The following EPPK1 variants were observed in gnomAD, a reference collection of about 807,000 sequenced individuals.
The protein encoded by EPPK1 is epiplakin.
For missense variants in EPPK1, 3,823 were observed against 3,673.3 expected (o/e 1.04, Z -1.05); for synonymous variants, 1,862 against 1,721.2 (o/e 1.08, Z -2.03).
Position 143,872,475 on chromosome 8 carries a change from C to G in EPPK1, c.779G>C (p.Gly260Ala), listed in dbSNP as rs1375710889. The G allele has an allele frequency of 1.0e-5, 16 of 1,592,452 alleles. No homozygotes were observed. The highest frequency in any genetic ancestry group is 1.2e-5 in the Non-Finnish European group (14 of 1,174,944). The change falls in exon 2 of 2, where the codon GGT becomes GCT. Residue 260 changes from glycine (G) to alanine (A), a missense_variant. Transcript: ENST00000615648. ...VGILDEQAVQ[G>A]LREGRLAAVD... ...TGCGGCCAGCCTGCCCTCCCGCAGACCCTGCACAGCCTGCTCGTCCAGGAT... is the reference window on the plus strand; with the variant it reads ...TGCGGCCAGCCTGCCCTCCCGCAGAGCCTGCACAGCCTGCTCGTCCAGGAT...
In EPPK1 at chr8:143,868,883, G is replaced by T. The variant is rs1169425432; in HGVS notation, c.4371C>A (p.Val1457=). The T allele has an allele frequency of 1.1e-5, 18 of 1,610,764 alleles. No individual in the cohort carries two copies. The highest frequency in any genetic ancestry group is 3.3e-4 in the Middle Eastern group (2 of 6,084). The change falls in exon 2 of 2, where the codon GTC becomes GTA. Residue 1457 remains valine (V), a synonymous_variant. Coordinates refer to ENST00000615648, the MANE Select transcript of EPPK1 (RefSeq NM_031308.4). ...AVALRAMKVP[V]STGRFKGCSV... is the part of the protein sequence containing the mutation. ...TACACCCCTTAAACCTCCCTGTGCT[G>T]ACGGGCACCTTCATGGCCCTCAGAG...
At position 143,869,308 on chromosome 8, in the gene EPPK1, G is replaced by A. The variant is rs940860228; in HGVS notation, c.3946C>T (p.Gln1316Ter). 6.2e-7 allele frequency: 1 copy of A among 1,604,634 alleles called. No individual in the cohort carries two copies. The highest frequency in any genetic ancestry group is 8.5e-7 in the Non-Finnish European group (1 of 1,175,208). The change falls in exon 2 of 2, where the codon CAG becomes TAG. Residue 1316 changes from glutamine (Q) to a stop codon, truncating the protein, a stop_gained. Coordinates refer to ENST00000615648, the MANE Select transcript of EPPK1 (RefSeq NM_031308.4). LOFTEE classifies it low-confidence loss of function (END_TRUNC). The part of the protein sequence containing the change: ...VGLVGRELSE[Q>*]LGQAERAAAG... ...GCCGCCCTCTCGGCCTGCCCGAGCT[G>A]CTCACTCAGCTCCCTGCCCACCAGG... is the stretch of plus-strand genomic sequence containing the variant.
chr8:143,870,581 C>G lies in EPPK1; in HGVS notation c.2673G>C (p.Gln891His). ...PALRSRVTVHQLLEAGIIDQQ... is the reference protein window; with the variant it reads ...PALRSRVTVHHLLEAGIIDQQ... ...GGTCAATGATACCGGCCTCCAGGAG[C>G]TGGTGGACGGTGACCCGGCTCCGCA... Residue 891 changes from glutamine to histidine, a missense_variant, in exon 2 of 2, where the codon CAG becomes CAC. Coordinates refer to ENST00000615648, the MANE Select transcript of EPPK1 (RefSeq NM_031308.4). This position sits in a 1 kb window ranked among gnomAD's most constrained non-coding sequence, Gnocchi z 5.2. The G allele has an allele frequency of 1.9e-6, 3 of 1,610,516 alleles. No individual in the cohort carries two copies. In the South Asian group the frequency reaches 3.3e-5, roughly 18 times the overall value.
At chr8:143,874,983 G>T (rs1390317095) in intron 1 of EPPK1, among the ~76,000 whole-genome samples, 2 of 152,126 alleles carry the variant, frequency 1.3e-5, no homozygotes, top group Non-Finnish European at 2.9e-5. Flanking sequence ...GGGCTATGGG[G>T]GCTCCCCTCT....
chr8:143,866,031 G>A lies in EPPK1; in HGVS notation c.7223C>T (p.Pro2408Leu), dbSNP rs1819095742. 14 of 168,746 alleles carry A rather than the reference G, an allele frequency of 8.3e-5. No homozygotes were observed. Among genetic ancestry groups the A allele is most frequent in the Admixed American group, 1.8e-4 (1 of 5,504 alleles). 10.5% of individuals were successfully genotyped at this position (168,746 alleles called of 1,614,324 possible). A position where few individuals can be genotyped will look rare whatever the true frequency, so the allele number is the denominator to read the frequency against. The change falls in exon 2 of 2, where the codon CCG (proline) becomes CTG (leucine). Residue 2408 changes from proline (P) to leucine (L), a missense_variant. Pro to Leu is a moderately conservative substitution (Grantham distance 98). Coordinates refer to ENST00000615648, the MANE Select transcript of EPPK1 (RefSeq NM_031308.4). Reference protein sequence around the residue: ...VQLLRRCVPDPDTGLYMLQLA... With the variant: ...VQLLRRCVPDLDTGLYMLQLA... The stretch of plus-strand genomic sequence containing the variant: ...CTGCAGCATGTAGAGCCCGGTGTCC[G>A]GGTCGGGCACGCAGCGGCGCAGCAG...
In EPPK1 at chr8:143,868,297, T is replaced by C. The variant is rs782371088; in HGVS notation, c.4957A>G (p.Thr1653Ala). The C allele has an allele frequency of 3.7e-6, 6 of 1,613,022 alleles. No individual in the cohort carries two copies. The African/African-American group carries it at 4.0e-5, about 11-fold the overall frequency. ...LSAERAVTGYTDPYTGQQISL... is the reference protein window; with the variant it reads ...LSAERAVTGYADPYTGQQISL... Reference sequence around the variant, plus strand: ...ATCTGCTGCCCGGTATAGGGGTCGGTGTAGCCGGTGACGGCGCGCTCGGCC... The same window carrying C: ...ATCTGCTGCCCGGTATAGGGGTCGGCGTAGCCGGTGACGGCGCGCTCGGCC... The change falls in exon 2 of 2, where the codon ACC becomes GCC. Residue 1653 changes from threonine (T) to alanine (A), a missense_variant. By Grantham distance (58) the Thr-to-Ala change is moderately conservative. Transcript: ENST00000615648.
chr8:143,872,316 C>T lies in EPPK1; in HGVS notation c.938G>A (p.Gly313Asp). ...GGCCTCTAGGAGTGGCAGCGCGGTG[C>T]CCATTGGGAGCAGGTGCTCGGTGGC... ...QAATEHLLPM[G>D]TALPLLEAQA... The change falls in exon 2 of 2, where the codon GGC becomes GAC. Residue 313 changes from glycine to aspartate, a missense_variant. Physicochemically the swap from Gly to Asp is moderately conservative, Grantham distance 94. Coordinates refer to ENST00000615648, the MANE Select transcript of EPPK1 (RefSeq NM_031308.4). The T allele has an allele frequency of 6.2e-7, 1 of 1,602,778 alleles. No homozygotes were observed. The highest frequency in any genetic ancestry group is 1.3e-5 in the African/African-American group (1 of 74,840).
Position 143,869,101 on chromosome 8 carries a change from G to A in EPPK1, c.4153C>T (p.Leu1385=). ...PQAAACRLGL[L]DTQTSQVLTA... The stretch of plus-strand genomic sequence containing the variant: ...AGCACCTGGCTCGTCTGTGTGTCCA[G>A]AAGGCCGAGTCTGCAGGCTGCCGCC... Residue 1385 remains leucine (L), a synonymous_variant, in exon 2 of 2, where the codon CTG becomes TTG. Coordinates refer to ENST00000615648, the MANE Select transcript of EPPK1 (RefSeq NM_031308.4). 6.2e-7 allele frequency: 1 copy of A among 1,606,810 alleles called. No individual in the cohort carries two copies.
chr8:143,870,510 G>A lies in EPPK1; in HGVS notation c.2744C>T (p.Ala915Val). Residue 915 changes from alanine (A) to valine (V), a missense_variant, in exon 2 of 2, where the codon GCC (alanine) becomes GTC (valine). By Grantham distance (64) the Ala-to-Val change is moderately conservative. Coordinates refer to ENST00000615648, the MANE Select transcript of EPPK1 (RefSeq NM_031308.4). The surrounding 1 kb of genome is among the most constrained non-coding windows in gnomAD (Gnocchi z 5.2). ...GCGGACGCCGTCCATGAGTAGGAGG[G>A]CCTCCGGGCTGATTGTCCCGGCCAG... ...QVLAGTISPEALLLMDGVRRY... is the reference protein window; with the variant it reads ...QVLAGTISPEVLLLMDGVRRY... The A allele has an allele frequency of 1.2e-6, 2 of 1,607,216 alleles. No individual in the cohort carries two copies. Among genetic ancestry groups the A allele is most frequent in the Non-Finnish European group, 1.7e-6 (2 of 1,176,570 alleles).
rs183188472 is a variant in EPPK1 at position 143,868,012 on chromosome 8, C to T, written c.5242G>A (p.Glu1748Lys). The part of the protein sequence containing the change: ...TYLQLLERCV[E>K]DPETGLYLLQ... ...AGGTACAGGCCCGTCTCGGGGTCCT[C>T]CACACAGCGCTCCAGAAGCTGCAGG... Residue 1748 changes from glutamate to lysine, a missense_variant, in exon 2 of 2, where the codon GAG (glutamate) becomes AAG (lysine). Transcript: ENST00000615648. The T allele has an allele frequency of 6.2e-7, 1 of 1,613,690 alleles. No individual in the cohort carries two copies. The highest frequency in any genetic ancestry group is 2.2e-5 in the East Asian group (1 of 44,886).
intron 1 of EPPK1, 74 bp from the exon 2 acceptor site, chr8:143,873,372 G>T: frequency 9.2e-7 from 1 of 1,082,966 alleles, no homozygotes; most frequent in Non-Finnish European, 1.2e-6. Flanking sequence ...CGGTCATGGG[G>T]CAATCCCATG....
rs550023979 is a variant in EPPK1 at position 143,869,546 on chromosome 8, C to T, written c.3708G>A (p.Pro1236=). ...TGCCCCACAGGCAGGCCTTCACCGC[C>T]GGCTGCTCGGCGACCTGGGCGGGCG... The part of the protein sequence containing the change: ...TQSPAQVAEQ[P]AVKACLWGTG... Residue 1236 remains proline (P), a synonymous_variant, in exon 2 of 2, where the codon CCG becomes CCA. Transcript: ENST00000615648. The T allele has an allele frequency of 6.5e-5, 102 of 1,558,174 alleles. No individual in the cohort carries two copies. The highest frequency in any genetic ancestry group is 5.8e-5 in the South Asian group (5 of 85,948).
Position 143,869,166 on chromosome 8 carries a change from CCT to C in EPPK1, c.4086_4087del (p.Gly1364CysfsTer33), listed in dbSNP as rs782542066. 22 of 1,607,734 alleles carry C rather than the reference CCT, an allele frequency of 1.4e-5. No homozygotes were observed. The highest frequency in any genetic ancestry group is 8.0e-5 in the African/African-American group (6 of 74,910). ...CCCGTGGACAGGGTCCACCACACCC[CCT>C]GTGGCCAGCTGCACCTGCAGGAGGG... On this transcript the variant is annotated frameshift_variant, in exon 2 of 2. Coordinates refer to ENST00000615648, the MANE Select transcript of EPPK1 (RefSeq NM_031308.4). LOFTEE classifies it low-confidence loss of function (END_TRUNC).
chr8:143,867,450 GCCTGCGC>G lies in EPPK1; in HGVS notation c.5797_5803del (p.Ala1933ProfsTer26). The G allele has an allele frequency of 4.3e-6, 7 of 1,612,618 alleles. No individual in the cohort carries two copies. The highest frequency in any genetic ancestry group is 5.9e-6 in the Non-Finnish European group (7 of 1,179,832). On this transcript the variant is annotated frameshift_variant, in exon 2 of 2. Transcript: ENST00000615648. LOFTEE classifies it low-confidence loss of function (END_TRUNC). ...GGGGTCCAGGAGGAACCCGGTGGCG[GCCTGCGC>G]CTCCAGCAGCCAAGTCGCAAATGCT...
rs781951141 is a variant in EPPK1 at position 143,871,363 on chromosome 8, A to AGGAGCCCCTTGCT, written c.1890_1891insAGCAAGGGGCTCC (p.Cys631SerfsTer39). The AGGAGCCCCTTGCT allele has an allele frequency of 1.2e-6, 2 of 1,608,734 alleles. No individual in the cohort carries two copies. The highest frequency in any genetic ancestry group is 2.2e-5 in the South Asian group (2 of 90,348). On this transcript the variant is annotated frameshift_variant, in exon 2 of 2. Coordinates refer to ENST00000615648, the MANE Select transcript of EPPK1 (RefSeq NM_031308.4). LOFTEE classifies it low-confidence loss of function (END_TRUNC). Reference sequence around the variant, plus strand: ...GTGCCGGGCCGGAGGAGCCCCTTGCATCGGGCCTCATAGATGCTCAGGCGT... The same window carrying AGGAGCCCCTTGCT: ...GTGCCGGGCCGGAGGAGCCCCTTGCAGGAGCCCCTTGCTTCGGGCCTCATAGATGCTCAGGCGT...
chr8:143,857,920 C>CCCAAAA lies in EPPK1; in HGVS notation c.*66_*67insTTTTGG. 1 of 319,416 alleles carries CCCAAAA rather than the reference C, an allele frequency of 3.1e-6. No individual in the cohort carries two copies. The highest frequency in any genetic ancestry group is 4.8e-6 in the Non-Finnish European group (1 of 206,390). The allele number at this position is 319,416 out of a possible 1,614,324, so 19.8% of individuals were successfully genotyped here. On this transcript the variant is annotated 3_prime_UTR_variant, in exon 2 of 2. Coordinates refer to ENST00000615648, the MANE Select transcript of EPPK1 (RefSeq NM_031308.4). Reference sequence around the variant, plus strand: ...ACAAAAAAAAAAAAAAAAAAAAAAACAACCCAGACACACAAGTATGCCTCC... The same window carrying CCCAAAA: ...ACAAAAAAAAAAAAAAAAAAAAAAACCCAAAAAACCCAGACACACAAGTATGCCTCC...
intron 1 of EPPK1, among the ~76,000 whole-genome samples, chr8:143,876,939 C>G (rs1240854747): frequency 1.3e-5 from 2 of 152,228 alleles, no homozygotes; most frequent in Admixed American, 6.5e-5. Flanking sequence ...GGCCCCTGAC[C>G]TGCGCACAGG....
intron 1 of EPPK1, among the ~76,000 whole-genome samples, chr8:143,878,189 G>T (rs1020740830): frequency 2.3e-4 from 35 of 151,398 alleles, no homozygotes; most frequent in African/African-American, 8.2e-4. Context: ...CGGGACTCAG[G>T]GGCGCCACTT....
chr8:143,864,837 C>G lies in EPPK1; in HGVS notation c.8417G>C (p.Gly2806Ala). Reference sequence around the variant, plus strand: ...GTTGCGCACGGGGTCGATGACGAAGCCGGTGGCCGCCTGCGCCTCCAGCAG... The same window carrying G: ...GTTGCGCACGGGGTCGATGACGAAGGCGGTGGCCGCCTGCGCCTCCAGCAG... ...LVLLEAQAATGFVIDPVRNLR... is the reference protein window; with the variant it reads ...LVLLEAQAATAFVIDPVRNLR... The change falls in exon 2 of 2, where the codon GGC (glycine) becomes GCC (alanine). Residue 2806 changes from glycine to alanine, a missense_variant. Transcript: ENST00000615648. The G allele has an allele frequency of 2.9e-6, 1 of 349,026 alleles. No individual in the cohort carries two copies. The allele number at this position is 349,026 out of a possible 1,614,324, so 21.6% of individuals were successfully genotyped here.
Sources: allele counts gnomAD v4.1 joint callset (sites outside exome capture counted in the v4.1 genomes callset), GRCh38; gene constraint gnomAD v4.1.1; non-coding constraint Gnocchi (gnomAD v3.1); transcripts MANE v1.5; gene names NCBI Gene and HGNC (gene_info 2026-07-23, HGNC 2026-07-21).